The following UBP1 variants were observed in gnomAD, a reference collection of about 807,000 sequenced individuals.
UBP1 encodes upstream-binding protein 1.
In UBP1, 22 loss-of-function variants were observed where a neutral mutation model predicts 76.1. That is an observed-to-expected ratio of 0.29 (90% CI 0.21 to 0.41). The LOEUF is 0.41. Ranked by LOEUF, UBP1 falls within the 10% of genes least tolerant of loss-of-function variation. The pLI is 1.00. For synonymous variants in UBP1, 224 were observed against 237.1 expected, an observed-to-expected ratio of 0.94 and a Z score of 0.51; for missense variants, 436 against 668.1, an observed-to-expected ratio of 0.65 and a Z score of 3.83.
At position 33,438,166 on chromosome 3, in the gene UBP1, G is replaced by C. The variant is rs117270070; in HGVS notation, c.113+1570C>G. Among the ~76,000 whole-genome samples the C allele has an allele frequency of 5.9e-5, 9 of 152,308 alleles. No homozygotes were observed. In the East Asian group the frequency reaches 1.7e-3, roughly 29 times the overall value. ...TTTTCATGGAAATAAACCATACACA[G>C]AAGTTATTACATTAATAAGTTGGCT... On this transcript the variant is annotated intron_variant, in intron 1 of 15. Transcript: ENST00000283629.
In UBP1 at chr3:33,425,760, A is replaced by G; in HGVS notation, c.114-19T>C. 6.4e-7 allele frequency: 1 copy of G among 1,560,522 alleles called. No homozygotes were observed. On this transcript the variant is annotated intron_variant, in intron 1 of 15. Coordinates refer to ENST00000283629, the MANE Select transcript of UBP1 (RefSeq NM_014517.5). ...GACATCACTGAAAAGCAAAAAATCA[A>G]CACTGACCTTACTTTGGGTTTGAAA... is the stretch of plus-strand genomic sequence containing the variant.
At chr3:33,427,793 C>T (rs773477002) in intron 1 of UBP1, among the ~76,000 whole-genome samples, 4 of 152,344 alleles carry the variant, frequency 2.6e-5, no homozygotes, top group East Asian at 1.9e-4. Flanking sequence ...AAGGATCACA[C>T]GGTTAGCAAT....
rs750526035 is a variant in UBP1, at chr3:33,409,247, T to C, written c.808A>G (p.Ile270Val). The change falls in exon 7 of 16, where the codon ATC becomes GTC. Residue 270 changes from isoleucine to valine, a missense_variant. By Grantham distance (29) the Ile-to-Val change is conservative (BLOSUM62 3). Around this residue, in one of 3 missense-constraint regions of UBP1, gnomAD observed 65 missense variants for 157.4 expected, o/e 0.41. Transcript: ENST00000283629. ...EKYQPSYDTTILTEMRLEPII... is the reference protein window; with the variant it reads ...EKYQPSYDTTVLTEMRLEPII... The stretch of plus-strand genomic sequence containing the variant: ...CTTTACTACATTACCTCTGTGAGGA[T>C]TGTGGTATCATAGGACGGCTGATAC... 110 of 1,613,768 alleles carry C rather than the reference T, an allele frequency of 6.8e-5. No homozygotes were observed. Among genetic ancestry groups the C allele is most frequent in the Admixed American group, 4.2e-4 (25 of 59,990 alleles).
At chr3:33,400,495 G>C (rs1156770921) in intron 10 of UBP1, among the ~76,000 whole-genome samples, 1 of 152,116 alleles carries the variant, frequency 6.6e-6, no homozygotes, top group African/African-American at 2.4e-5. Context: ...GAAAAATCAT[G>C]CCGCTGCTAA....
chr3:33,394,281 C>A (rs1000441976), intron 13 of UBP1, among the ~76,000 whole-genome samples: 1 of 151,456 alleles, frequency 6.6e-6, no homozygotes, highest in Non-Finnish European at 1.5e-5. Context: ...CCTGGGCTCA[C>A]GCAGTCTGCC....
intron 8 of UBP1, chr3:33,403,206 C>T: frequency 3.5e-6 from 1 of 288,348 alleles, no homozygotes; most frequent in East Asian, 1.3e-4. Context: ...GCTTTCTCCT[C>T]CCTCTTTACC....
chr3:33,405,430 G>C (rs1409761278), intron 8 of UBP1, among the ~76,000 whole-genome samples: 1 of 152,314 alleles, frequency 6.6e-6, no homozygotes, highest in Admixed American at 6.5e-5. Flanking sequence ...CACCACGCCA[G>C]AACATTGCCT....
At chr3:33,416,382 G>C (rs2044729751) in intron 3 of UBP1, among the ~76,000 whole-genome samples, 1 of 152,202 alleles carries the variant, frequency 6.6e-6, no homozygotes. Flanking sequence ...TGAGTAGGGT[G>C]AACAGAGATT....
chr3:33,397,561 T>C (rs1434848209), intron 11 of UBP1: 1 of 152,810 alleles, frequency 6.5e-6, no homozygotes, highest in South Asian at 2.1e-4. Flanking sequence ...AGTCCAGAGT[T>C]TGTGGGACTT....
intron 8 of UBP1, among the ~76,000 whole-genome samples, chr3:33,408,080 A>C (rs780632981): frequency 9.9e-5 from 15 of 152,076 alleles, no homozygotes; most frequent in Non-Finnish European, 2.1e-4. Context: ...ATTAATTCAC[A>C]ATGCAACTGC....
At chr3:33,399,812 T>C (rs1027190105) in intron 11 of UBP1, among the ~76,000 whole-genome samples, 9 of 152,086 alleles carry the variant, frequency 5.9e-5, no homozygotes, top group South Asian at 2.1e-4. Flanking sequence ...ACTATAATTA[T>C]GTGAGAAACG....
At chr3:33,403,540 A>G (rs1289889245) in intron 8 of UBP1, 2 of 118,870 alleles carry the variant, frequency 1.7e-5, no homozygotes, top group Non-Finnish European at 3.7e-5. Context: ...TGTCTATCTA[A>G]TCTATCTGTC....
At chr3:33,394,976 T>G (rs2043918534) in intron 13 of UBP1, among the ~76,000 whole-genome samples, 1 of 152,150 alleles carries the variant, frequency 6.6e-6, no homozygotes, top group African/African-American at 2.4e-5. Flanking sequence ...CCTGACCTTT[T>G]ACAGAAAAAG....
intron 11 of UBP1, among the ~76,000 whole-genome samples, chr3:33,399,447 G>A (rs932793184): frequency 1.3e-5 from 2 of 152,032 alleles, no homozygotes; most frequent in African/African-American, 4.8e-5. Context: ...CTGTAATTGA[G>A]TACACTCAGA....
At chr3:33,408,856 C>T in intron 7 of UBP1, 59 bp from the exon 8 acceptor site, 1 of 1,389,192 alleles carries the variant, frequency 7.2e-7, no homozygotes, top group Non-Finnish European at 1.0e-6. Flanking sequence ...AAAGATCTAA[C>T]ACCCTGTTTC....
At chr3:33,396,930 C>T (rs955031170) in intron 12 of UBP1, 115 bp downstream of exon 12, 8 of 929,436 alleles carry the variant, frequency 8.6e-6, no homozygotes, top group African/African-American at 1.6e-5. Flanking sequence ...TGCCAATGCT[C>T]GATGGCGCAC....
intron 2 of UBP1, among the ~76,000 whole-genome samples, chr3:33,417,384 C>T (rs570547360): frequency 2.0e-5 from 3 of 147,648 alleles, no homozygotes; most frequent in African/African-American, 2.5e-5. Flanking sequence ...CAGAATCATA[C>T]AATATGTGGG....
chr3:33,409,142 C>T, intron 7 of UBP1, 94 bp downstream of exon 7: 1 of 1,238,880 alleles, frequency 8.1e-7, no homozygotes, highest in Admixed American at 2.1e-5. Context: ...GCCACCCAAT[C>T]TTCCCCAACC....
intron 1 of UBP1, among the ~76,000 whole-genome samples, chr3:33,431,051 G>A (rs917008104): frequency 6.6e-6 from 1 of 152,010 alleles, no homozygotes; most frequent in Non-Finnish European, 1.5e-5. Context: ...TTAAAGGACA[G>A]CAAAACTGAA....
Sources: gnomAD v4.1 joint callset for allele counts (sites outside exome capture counted in the v4.1 genomes callset) on GRCh38, gnomAD v4.1.1 for gene constraint, gnomAD v4.1.1 regional missense constraint, MANE v1.5 for transcripts, NCBI Gene and HGNC (gene_info 2026-07-23, HGNC 2026-07-21) for gene names.